STARD10: variants seen among roughly 807,000 people sequenced by gnomAD.
STARD10 encodes the protein StAR related lipid transfer domain containing 10.
In STARD10, 24 loss-of-function variants were observed where a neutral mutation model predicts 36.0. The ratio of observed to expected loss-of-function variants is 0.67; its 90% CI spans 0.48 to 0.94. The LOEUF (loss-of-function observed/expected upper bound fraction) is 0.94, where lower values mean the gene tolerates loss of function less well. Ranked by LOEUF, STARD10 falls within the 40% of genes least tolerant of loss-of-function variation. The pLI is 0.00. For synonymous variants in STARD10, 156 were observed against 161.9 expected, an observed-to-expected ratio of 0.96 and a Z score of 0.28; for missense variants, 335 against 396.6, an observed-to-expected ratio of 0.84 and a Z score of 1.32.
chr11:72,758,766 C>G, intron 3 of STARD10, 133 bp from the exon 4 acceptor site: 1 of 640,712 alleles, frequency 1.6e-6, no homozygotes, highest in East Asian at 2.8e-5. Context: ...ACCTCCCTCC[C>G]AGACCACAGT....
Position 72,758,562 on chromosome 11 carries a change from A to T in STARD10, c.427T>A (p.Tyr143Asn). Reference protein sequence around the residue: ...LRSWLPMGADYIIMNYSVKHP... With the variant: ...LRSWLPMGADNIIMNYSVKHP... ...TTGACTGAGTAGTTCATAATGATGT[A>T]ATCAGCGCCCATGGGGAGCCAGGAG... The change falls in exon 4 of 7, where the codon TAC (tyrosine) becomes AAC (asparagine). Residue 143 changes from tyrosine to asparagine, a missense_variant. By Grantham distance (143) the Tyr-to-Asn change is moderately radical. Coordinates refer to ENST00000334805, the MANE Select transcript of STARD10 (RefSeq NM_006645.3). 2 of 1,614,026 alleles carry T rather than the reference A, an allele frequency of 1.2e-6. No homozygotes were observed. Among genetic ancestry groups the T allele is most frequent in the Non-Finnish European group, 1.7e-6 (2 of 1,179,976 alleles).
At chr11:72,778,586 T>C (rs543110007) in intron 2 of STARD10, among the ~76,000 whole-genome samples, 209 of 152,314 alleles carry the variant, frequency 1.4e-3, no homozygotes, top group African/African-American at 4.8e-3. Flanking sequence ...GGGTCTGGGC[T>C]CTGCTCACCT....
intron 4 of STARD10, 33 bp downstream of exon 4, chr11:72,758,497 C>T: frequency 6.3e-7 from 1 of 1,581,160 alleles, no homozygotes; most frequent in East Asian, 2.2e-5. Context: ...ACCCTCTCCC[C>T]TGCTCCACCG....
At position 72,758,396 on chromosome 11, in the gene STARD10, C is replaced by T; in HGVS notation, c.459+134G>A. 4 of 715,410 alleles carry T rather than the reference C, an allele frequency of 5.6e-6. No homozygotes were observed. The Admixed American group carries it at 8.3e-5, about 15-fold the overall frequency. 44.3% of individuals were successfully genotyped at this position (715,410 alleles called of 1,614,324 possible). ...AGGGAGAGAGGAGCCATTATCCTCA[C>T]TGTACAGGAAGGAAACTGAGGGCCA... On this transcript the variant is annotated intron_variant, in intron 4 of 6. Coordinates refer to ENST00000334805, the MANE Select transcript of STARD10 (RefSeq NM_006645.3).
chr11:72,787,188 T>C (rs934043538), intron 1 of STARD10, among the ~76,000 whole-genome samples: 2 of 151,614 alleles, frequency 1.3e-5, no homozygotes, highest in African/African-American at 4.9e-5. Flanking sequence ...TCAACCCAGA[T>C]GGCCTGGCCA....
intron 5 of STARD10, among the ~76,000 whole-genome samples, chr11:72,757,044 C>T (rs578054027): frequency 6.7e-6 from 1 of 149,914 alleles, no homozygotes; most frequent in African/African-American, 2.5e-5. Flanking sequence ...ACTCGGGAGG[C>T]TGGGGCAGGA....
intron 1 of STARD10, among the ~76,000 whole-genome samples, chr11:72,787,432 G>T (rs1293261483): frequency 6.6e-6 from 1 of 152,220 alleles, no homozygotes; most frequent in African/African-American, 2.4e-5. Flanking sequence ...CCCAGCAGGT[G>T]GGGAGGCCTC....
At position 72,754,931 on chromosome 11, in the gene STARD10, C is replaced by T. The variant is rs751656644; in HGVS notation, c.842G>A (p.Gly281Asp). The change falls in exon 7 of 7, where the codon GGC becomes GAC. Residue 281 changes from glycine to aspartate, a missense_variant. Gly to Asp is a moderately conservative substitution (Grantham distance 94, BLOSUM62 -1). Coordinates refer to ENST00000334805, the MANE Select transcript of STARD10 (RefSeq NM_006645.3). The part of the protein sequence containing the change: ...SREERMGGAG[G>D]EGSDDDTSLT ...CGAGGTGTCGTCGTCGCTGCCCTCG[C>T]CGCCCGCGCCGCCCATCCGCTCCTC... is the stretch of plus-strand genomic sequence containing the variant. 4 of 1,600,090 alleles carry T rather than the reference C, an allele frequency of 2.5e-6. No homozygotes were observed. Among genetic ancestry groups the T allele is most frequent in the Non-Finnish European group, 3.4e-6 (4 of 1,177,636 alleles).
At chr11:72,762,547 C>A (rs1482715689) in intron 2 of STARD10, among the ~76,000 whole-genome samples, 1 of 152,030 alleles carries the variant, frequency 6.6e-6, no homozygotes, top group Non-Finnish European at 1.5e-5. Context: ...ACCATTTAAT[C>A]AGCAGCCCCC....
intron 1 of STARD10, among the ~76,000 whole-genome samples, chr11:72,784,169 A>C (rs745315546): frequency 6.6e-6 from 1 of 152,174 alleles, no homozygotes; most frequent in Non-Finnish European, 1.5e-5. Context: ...AAGCCCATTC[A>C]TATCCTTCTC....
At chr11:72,763,425 A>G (rs912159714) in intron 2 of STARD10, among the ~76,000 whole-genome samples, 2 of 152,192 alleles carry the variant, frequency 1.3e-5, no homozygotes, top group Non-Finnish European at 2.9e-5. Flanking sequence ...CAAGTGATCA[A>G]AGGGAATCTC....
At chr11:72,766,859 C>T (rs1327164114) in intron 2 of STARD10, among the ~76,000 whole-genome samples, 2 of 152,240 alleles carry the variant, frequency 1.3e-5, no homozygotes, top group African/African-American at 4.8e-5. Context: ...CTAATCCTCC[C>T]TCCAAGACCT....
At chr11:72,755,931 T>A (rs1368202554) in intron 5 of STARD10, 178 bp from the exon 6 acceptor site, 9 of 572,884 alleles carry the variant, frequency 1.6e-5, no homozygotes, top group Non-Finnish European at 3.1e-6. Flanking sequence ...CAGACCGAAG[T>A]CCTCAGGCTT....
At chr11:72,779,610 G>A (rs544123615) in intron 2 of STARD10, among the ~76,000 whole-genome samples, 2 of 152,120 alleles carry the variant, frequency 1.3e-5, no homozygotes, top group African/African-American at 4.8e-5. Flanking sequence ...AAGGATAGGA[G>A]ACCTGTCCCT....
chr11:72,789,760 C>G (rs552064261), intron 1 of STARD10, among the ~76,000 whole-genome samples: 4 of 152,196 alleles, frequency 2.6e-5, no homozygotes, highest in East Asian at 1.9e-4. Flanking sequence ...GTTCCAAACC[C>G]ACACCTGGAA....
intron 1 of STARD10, among the ~76,000 whole-genome samples, chr11:72,789,547 A>G (rs1008787940): frequency 6.6e-6 from 1 of 152,166 alleles, no homozygotes; most frequent in Non-Finnish European, 1.5e-5. Flanking sequence ...CCCCTCCTCA[A>G]TGTCTGACAG....
At chr11:72,772,644 G>A (rs1858878138) in intron 2 of STARD10, among the ~76,000 whole-genome samples, 1 of 152,048 alleles carries the variant, frequency 6.6e-6, no homozygotes, top group South Asian at 2.1e-4. Context: ...GAAAGCTTCT[G>A]CTGTCTGTCT....
chr11:72,774,393 TGTGCCACCTGCCCC>T (rs991903477), intron 2 of STARD10, among the ~76,000 whole-genome samples: 16 of 152,154 alleles, frequency 1.1e-4, no homozygotes, highest in Admixed American at 8.5e-4. Flanking sequence ...CCAGCTGCCC[TGTGCCACCTGCCCC>T]GTGCCACCTG....
Position 72,781,064 on chromosome 11 carries a change from C to A in STARD10, c.118G>T (p.Glu40Ter). Residue 40 changes from glutamate (E) to a stop codon, truncating the protein, a stop_gained, in exon 2 of 7, where the codon GAG (glutamate) becomes TAG (stop). Transcript: ENST00000334805. LOFTEE classifies it high-confidence loss of function. This position sits in a 1 kb window ranked among gnomAD's most constrained non-coding sequence, Gnocchi z 4.7. ...FRSFRSECEA[E>*]VGWNLTYSRA... ...CTATAGGTCAGGTTCCAGCCCACCT[C>A]AGCCTCACACTCTGACCGGAAGCTG... The A allele has an allele frequency of 6.2e-7, 1 of 1,614,184 alleles. No homozygotes were observed. Among genetic ancestry groups the A allele is most frequent in the African/African-American group, 1.3e-5 (1 of 75,066 alleles).
Sources: allele counts gnomAD v4.1 joint callset (sites outside exome capture counted in the v4.1 genomes callset), GRCh38; gene constraint gnomAD v4.1.1; non-coding constraint Gnocchi (gnomAD v3.1); transcripts MANE v1.5; gene names NCBI Gene and HGNC (gene_info 2026-07-23, HGNC 2026-07-21).